METTL16: variants seen among roughly 807,000 people sequenced by gnomAD.
METTL16 encodes RNA N(6)-adenosine-methyltransferase METTL16.
Under a neutral mutation model 57.9 loss-of-function variants are expected in METTL16, and 19 were observed. The ratio of observed to expected loss-of-function variants is 0.33; its 90% CI spans 0.23 to 0.48. The LOEUF (loss-of-function observed/expected upper bound fraction) is 0.48, where lower values mean the gene tolerates loss of function less well. Among genes scored for constraint, METTL16 ranks in the 20% least tolerant of loss-of-function variants. The pLI is 0.99. For synonymous variants in METTL16, 246 were observed against 255.6 expected (o/e 0.96, Z 0.36); for missense variants, 434 against 691.5 (o/e 0.63, Z 4.18).
At chr17:2,490,479 G>A (rs889196979) in intron 2 of METTL16, among the ~76,000 whole-genome samples, 1 of 152,168 alleles carries the variant, frequency 6.6e-6, no homozygotes, top group South Asian at 2.1e-4. Context: ...GGCTTAGAAA[G>A]ATGAGATTAC....
chr17:2,457,337 CAAA>C (rs57968051), intron 6 of METTL16, among the ~76,000 whole-genome samples: 6,412 of 40,390 alleles, frequency 0.16, 51 homozygotes, highest in Non-Finnish European at 0.24. Flanking sequence ...GACTCCGTCT[CAAA>C]AAAAAAAAAA....
In METTL16 at chr17:2,486,088, C is replaced by T. The variant is rs186424881; in HGVS notation, c.129-8203G>A. Among the ~76,000 whole-genome samples the T allele has an allele frequency of 1.5e-3, 227 of 152,266 alleles. 1 individual carries two copies. Among genetic ancestry groups the T allele is most frequent in the African/African-American group, 5.3e-3 (222 of 41,548 alleles). On this transcript the variant is annotated intron_variant, in intron 2 of 9. Coordinates refer to ENST00000263092, the MANE Select transcript of METTL16 (RefSeq NM_024086.4). Reference sequence around the variant, plus strand: ...CTGGAGCATTCCAGGTACTAAGAGACAGTCACTGTGCCTCAAATGCAGAGA... The same window carrying T: ...CTGGAGCATTCCAGGTACTAAGAGATAGTCACTGTGCCTCAAATGCAGAGA...
Position 2,420,184 on chromosome 17 carries a change from G to C in METTL16, c.1475C>G (p.Ala492Gly). The C allele has an allele frequency of 6.2e-7, 1 of 1,614,234 alleles. No individual in the cohort carries two copies. The highest frequency in any genetic ancestry group is 8.5e-7 in the Non-Finnish European group (1 of 1,180,036). Reference protein sequence around the residue: ...GSSNGAQDQEASEQFGSPVAE... With the variant: ...GSSNGAQDQEGSEQFGSPVAE... ...CACTGGGCTGCCGAACTGCTCAGAA[G>C]CCTCTTGGTCCTGGGCTCCGTTGCT... Residue 492 changes from alanine (A) to glycine (G), a missense_variant, in exon 10 of 10, where the codon GCT becomes GGT. By Grantham distance (60) the Ala-to-Gly change is moderately conservative (BLOSUM62 0). This residue lies in a region of METTL16 where 168 missense variants were observed against 149.6 expected (regional missense o/e 1.12). Coordinates refer to ENST00000263092, the MANE Select transcript of METTL16 (RefSeq NM_024086.4). The surrounding 1 kb of genome is among the most constrained non-coding windows in gnomAD (Gnocchi z 5.4).
At chr17:2,452,755 CTAAGCTGTTTGAGAAT>C (rs2067080406) in intron 6 of METTL16, among the ~76,000 whole-genome samples, 2 of 152,158 alleles carry the variant, frequency 1.3e-5, no homozygotes, top group Admixed American at 1.3e-4. Flanking sequence ...GTGTTTTTTC[CTAAGCTGTTTGAGAAT>C]CAGTTACAGA....
Position 2,473,700 on chromosome 17 carries a change from C to T in METTL16, c.329-36G>A, listed in dbSNP as rs751252737. The T allele has an allele frequency of 1.1e-5, 17 of 1,594,058 alleles. No individual in the cohort carries two copies. The South Asian group carries it at 1.4e-4, about 13-fold the overall frequency. ...AAAAATACAAAACACATTCTACACA[C>T]CAGAGGGAAAGGTTACAATAATCAT... On this transcript the variant is annotated intron_variant, in intron 3 of 9. Coordinates refer to ENST00000263092, the MANE Select transcript of METTL16 (RefSeq NM_024086.4).
chr17:2,444,964 C>A (rs972165310), intron 6 of METTL16, among the ~76,000 whole-genome samples: 1 of 152,050 alleles, frequency 6.6e-6, no homozygotes, highest in Non-Finnish European at 1.5e-5. Flanking sequence ...GTTCCACCCA[C>A]TTAGGCCTCT....
chr17:2,493,673 T>C lies in METTL16; in HGVS notation c.128+8531A>G, dbSNP rs576117649. Reference sequence around the variant, plus strand: ...GGTGGAGGTTGCAGTGAGCCGAGATTGGGCCACTGCACTCCAGTCTGGGTG... The same window carrying C: ...GGTGGAGGTTGCAGTGAGCCGAGATCGGGCCACTGCACTCCAGTCTGGGTG... On this transcript the variant is annotated intron_variant, in intron 2 of 9. Transcript: ENST00000263092. Among the ~76,000 whole-genome samples, 9 of 144,672 alleles carry C rather than the reference T, an allele frequency of 6.2e-5. No individual in the cohort carries two copies. In the South Asian group the frequency reaches 2.0e-3, roughly 33 times the overall value. 94.9% of individuals were successfully genotyped at this position (144,672 alleles called of 152,430 possible). A position where few individuals can be genotyped will look rare whatever the true frequency, so the allele number is the denominator to read the frequency against.
At chr17:2,454,372 T>C (rs1032831513) in intron 6 of METTL16, among the ~76,000 whole-genome samples, 11 of 152,210 alleles carry the variant, frequency 7.2e-5, no homozygotes, top group Non-Finnish European at 1.3e-4. Flanking sequence ...CTGCCTATAA[T>C]AAATTACCAG....
intron 6 of METTL16, among the ~76,000 whole-genome samples, chr17:2,463,511 G>A (rs961512717): frequency 2.6e-5 from 4 of 152,018 alleles, no homozygotes; most frequent in Non-Finnish European, 5.9e-5. Context: ...ACCCAGGCTG[G>A]AGCGCAGTGG....
intron 2 of METTL16, among the ~76,000 whole-genome samples, chr17:2,479,351 G>A (rs150206558): frequency 0.018 from 1,912 of 103,434 alleles, 45 homozygotes; most frequent in African/African-American, 0.068. Context: ...TTTTTTTTTC[G>A]TAGAGAAAAG....
chr17:2,487,197 G>A (rs563051723), intron 2 of METTL16, among the ~76,000 whole-genome samples: 1 of 152,140 alleles, frequency 6.6e-6, no homozygotes, highest in East Asian at 1.9e-4. Context: ...CAGGATAGGC[G>A]GTGCCACCCT....
chr17:2,504,391 C>A (rs2067514576), intron 1 of METTL16, among the ~76,000 whole-genome samples: 1 of 152,216 alleles, frequency 6.6e-6, no homozygotes, highest in Non-Finnish European at 1.5e-5. Flanking sequence ...TATATTTTTC[C>A]ATGATTTTAA....
At chr17:2,511,649 C>G (rs1567911091) in intron 1 of METTL16, 110 bp downstream of exon 1, 1 of 392,816 alleles carries the variant, frequency 2.5e-6, no homozygotes, top group Non-Finnish European at 4.5e-6. Context: ...CCTCCTAGAC[C>G]CCGAAGTCGG....
At chr17:2,475,138 C>T (rs948744275) in intron 3 of METTL16, 2 of 152,150 alleles carry the variant, frequency 1.3e-5, no homozygotes, top group African/African-American at 4.8e-5. Flanking sequence ...AATCCAGACT[C>T]GTCATACTGC....
chr17:2,452,353 A>T (rs1220975348), intron 6 of METTL16, among the ~76,000 whole-genome samples: 1 of 152,174 alleles, frequency 6.6e-6, no homozygotes, highest in Non-Finnish European at 1.5e-5. Flanking sequence ...TGTTTTCAGC[A>T]ACAGTTGTAT....
At chr17:2,438,074 G>C in intron 8 of METTL16, 35 bp downstream of exon 8, 5 of 1,437,680 alleles carry the variant, frequency 3.5e-6, no homozygotes, top group Non-Finnish European at 4.9e-6. Flanking sequence ...ACCATGTGCT[G>C]GCAGGTGGTG....
At chr17:2,444,147 T>G (rs1452198868) in intron 6 of METTL16, among the ~76,000 whole-genome samples, 2 of 152,116 alleles carry the variant, frequency 1.3e-5, no homozygotes, top group Non-Finnish European at 1.5e-5. Flanking sequence ...AGATGGCACT[T>G]ACAACAGGGG....
chr17:2,467,157 TG>T (rs1471396016), intron 5 of METTL16, among the ~76,000 whole-genome samples: 1 of 152,006 alleles, frequency 6.6e-6, no homozygotes. Context: ...AACCCACAGG[TG>T]TAGGACCTGT....
intron 6 of METTL16, among the ~76,000 whole-genome samples, chr17:2,453,540 G>C (rs1412706119): frequency 6.6e-6 from 1 of 152,202 alleles, no homozygotes; most frequent in African/African-American, 2.4e-5. Context: ...CAGGAGATGA[G>C]CACCTGGTCA....
Sources: gnomAD v4.1 joint callset for allele counts (sites outside exome capture counted in the v4.1 genomes callset) on GRCh38, gnomAD v4.1.1 for gene constraint, gnomAD v4.1.1 regional missense constraint, Gnocchi (gnomAD v3.1) non-coding constraint, MANE v1.5 for transcripts, NCBI Gene and HGNC (gene_info 2026-07-23, HGNC 2026-07-21) for gene names.